GMDS: variants seen among roughly 807,000 people sequenced by gnomAD.
GMDS encodes GDP-mannose 4,6 dehydratase.
A neutral mutation model predicts 49.9 loss-of-function variants in GMDS; 20 were observed. The ratio of observed to expected loss-of-function variants is 0.40; its 90% CI spans 0.28 to 0.58. The LOEUF (loss-of-function observed/expected upper bound fraction) is 0.58, where lower values mean the gene tolerates loss of function less well. Ranked by LOEUF, GMDS falls within the 20% of genes least tolerant of loss-of-function variation. The pLI is 0.42. For missense variants in GMDS, 362 were observed against 481.4 expected (o/e 0.75, Z 2.32); for synonymous variants, 177 against 178.6 (o/e 0.99, Z 0.07).
chr6:1,831,116 T>C (rs1456071153), intron 7 of GMDS, among the ~76,000 whole-genome samples: 1 of 152,248 alleles, frequency 6.6e-6, no homozygotes, highest in East Asian at 1.9e-4. Flanking sequence ...GTTTCCTGAT[T>C]GGCTACAAAG....
intron 9 of GMDS, among the ~76,000 whole-genome samples, chr6:1,680,968 C>T (rs773162329): frequency 5.3e-5 from 8 of 152,070 alleles, no homozygotes; most frequent in Non-Finnish European, 1.0e-4. Context: ...TCTCTCTCAC[C>T]GTTCACATTT....
intron 1 of GMDS, among the ~76,000 whole-genome samples, chr6:2,204,437 C>A (rs1480235748): frequency 1.3e-5 from 2 of 152,176 alleles, no homozygotes; most frequent in Non-Finnish European, 2.9e-5. Context: ...AAATATTGCT[C>A]ATGTGCCAAA....
At chr6:2,243,666 CCCTCTTACTAGTTTTCAAACTCAGATCCA>C (rs1274183074) in intron 1 of GMDS, among the ~76,000 whole-genome samples, 2 of 152,004 alleles carry the variant, frequency 1.3e-5, no homozygotes, top group African/African-American at 4.8e-5. Context: ...CAGATCCTTG[CCCTCTTACTAGTTTTCAAACTCAGATCCA>C]CCTCTTACTA....
intron 2 of GMDS, 140 bp from the exon 3 acceptor site, chr6:2,117,696 T>A (rs1774922129): frequency 3.3e-6 from 2 of 609,062 alleles, no homozygotes; most frequent in Non-Finnish European, 6.0e-6. Flanking sequence ...GCTTACTTTC[T>A]CCCCAACCAC....
intron 1 of GMDS, among the ~76,000 whole-genome samples, chr6:2,130,208 A>T (rs1176361068): frequency 6.6e-6 from 1 of 152,236 alleles, no homozygotes; most frequent in Non-Finnish European, 1.5e-5. Context: ...AATTATCAAT[A>T]GAGCAATAAT....
At chr6:2,064,104 C>A (rs1359551510) in intron 4 of GMDS, among the ~76,000 whole-genome samples, 2 of 152,124 alleles carry the variant, frequency 1.3e-5, no homozygotes, top group Admixed American at 6.5e-5. Flanking sequence ...AAAACACCAA[C>A]AAAAGGCACC....
intron 9 of GMDS, among the ~76,000 whole-genome samples, chr6:1,711,587 A>T (rs1439375716): frequency 6.6e-6 from 1 of 152,174 alleles, no homozygotes; most frequent in Non-Finnish European, 1.5e-5. Context: ...GTTTGCACCA[A>T]ATCTGTGTAT....
intron 7 of GMDS, among the ~76,000 whole-genome samples, chr6:1,789,706 T>TTG (rs957919965): frequency 2.0e-5 from 3 of 151,954 alleles, no homozygotes; most frequent in African/African-American, 4.8e-5. Flanking sequence ...TGGCTAATTT[T>TTG]TGTGTATTTT....
At chr6:2,222,403 G>A (rs1780634064) in intron 1 of GMDS, among the ~76,000 whole-genome samples, 1 of 152,162 alleles carries the variant, frequency 6.6e-6, no homozygotes, top group African/African-American at 2.4e-5. Flanking sequence ...CATTCTCACT[G>A]CTTATCTCCG....
chr6:1,780,545 T>C (rs1769035140), intron 7 of GMDS, among the ~76,000 whole-genome samples: 3 of 152,144 alleles, frequency 2.0e-5, no homozygotes, highest in Admixed American at 2.0e-4. Context: ...TTTTGGTCAG[T>C]TATAAACCCT....
intron 9 of GMDS, chr6:1,625,401 C>T (rs1206652208): frequency 6.8e-6 from 1 of 146,724 alleles, no homozygotes; most frequent in East Asian, 2.3e-4. Context: ...ACGAGCGGAG[C>T]TGCAGCCAGC....
intron 9 of GMDS, among the ~76,000 whole-genome samples, chr6:1,641,870 C>T (rs1014834589): frequency 2.0e-5 from 3 of 152,162 alleles, no homozygotes; most frequent in African/African-American, 4.8e-5. Context: ...TCTGACTTAC[C>T]TTCATGAAAG....
intron 7 of GMDS, among the ~76,000 whole-genome samples, chr6:1,880,947 A>C (rs1479153141): frequency 6.6e-6 from 1 of 152,222 alleles, no homozygotes; most frequent in African/African-American, 2.4e-5. Context: ...AAGGGTATGA[A>C]TTGTTGATGA....
rs573023741 is a variant in GMDS, at chr6:1,684,082, G to A, written c.987+42334C>T. On this transcript the variant is annotated intron_variant, in intron 9 of 10. Coordinates refer to ENST00000380815, the MANE Select transcript of GMDS (RefSeq NM_001500.4). Reference sequence around the variant, plus strand: ...TTTTGCCATCAGTAGACCTGGATCCGCCCTCTATCAGCTATTTTTTTTGTA... The same window carrying A: ...TTTTGCCATCAGTAGACCTGGATCCACCCTCTATCAGCTATTTTTTTTGTA... Among the ~76,000 whole-genome samples, 8 of 151,690 alleles carry A rather than the reference G, an allele frequency of 5.3e-5. No homozygotes were observed. The South Asian group carries it at 1.3e-3, about 24-fold the overall frequency.
At chr6:1,672,839 G>A (rs1764472404) in intron 9 of GMDS, among the ~76,000 whole-genome samples, 1 of 152,204 alleles carries the variant, frequency 6.6e-6, no homozygotes, top group African/African-American at 2.4e-5. Context: ...TTAGGAAACT[G>A]CCCTGAGATG....
chr6:2,073,152 G>A (rs556468669), intron 4 of GMDS, among the ~76,000 whole-genome samples: 18 of 152,264 alleles, frequency 1.2e-4, no homozygotes, highest in Admixed American at 3.3e-4. Flanking sequence ...GCTTTGTGCC[G>A]AATGCACCAG....
intron 1 of GMDS, among the ~76,000 whole-genome samples, chr6:2,162,659 A>AC (rs1777458321): frequency 7.4e-6 from 1 of 135,728 alleles, no homozygotes; most frequent in Non-Finnish European, 1.6e-5. Flanking sequence ...ATAACATTCC[A>AC]ACACACACAC....
rs190183360 is a variant in GMDS at position 1,854,819 on chromosome 6, T to C, written c.771+75284A>G. Among the ~76,000 whole-genome samples, 102 of 152,370 alleles carry C rather than the reference T, an allele frequency of 6.7e-4. 2 individuals carry two copies. The highest frequency in any genetic ancestry group is 3.4e-3 in the Middle Eastern group (1 of 294). On this transcript the variant is annotated intron_variant, in intron 7 of 10. Coordinates refer to ENST00000380815, the MANE Select transcript of GMDS (RefSeq NM_001500.4). ...CTCAAAATCTCAAATTATCCTGGAA[T>C]ATTTCCTTTATTATCATCCTTTCTT... is the stretch of plus-strand genomic sequence containing the variant.
At chr6:1,729,370 T>C (rs1469039266) in intron 8 of GMDS, among the ~76,000 whole-genome samples, 2 of 147,124 alleles carry the variant, frequency 1.4e-5, no homozygotes, top group African/African-American at 2.7e-5. Flanking sequence ...TCTGCTGAAC[T>C]TGCATCTTGC....
Sources: gnomAD v4.1 joint callset for allele counts (sites outside exome capture counted in the v4.1 genomes callset) on GRCh38, gnomAD v4.1.1 for gene constraint, MANE v1.5 for transcripts, NCBI Gene and HGNC (gene_info 2026-07-23, HGNC 2026-07-21) for gene names.